Variants in KCNIP4 observed in about 807,000 individuals in gnomAD.
The protein encoded by KCNIP4 is potassium voltage-gated channel interacting protein 4, also known as Kv channel-interacting protein 4.
Under a neutral mutation model 34.0 loss-of-function variants are expected in KCNIP4, and 12 were observed. The ratio of observed to expected loss-of-function variants is 0.35; its 90% confidence interval spans 0.23 to 0.57. The LOEUF (loss-of-function observed/expected upper bound fraction) is 0.57, where lower values mean the gene tolerates loss of function less well. KCNIP4 is among the 20% of genes least tolerant of loss of function. KCNIP4 has a pLI of 0.83. For synonymous variants in KCNIP4, 124 were observed against 102.2 expected (o/e 1.21, Z -1.29); for missense variants, 238 against 311.7 (o/e 0.76, Z 1.78).
chr4:21,903,988 A>C (rs376655564), intron 1 of KCNIP4, among the ~76,000 whole-genome samples: 1 of 152,186 alleles, frequency 6.6e-6, no homozygotes, highest in East Asian at 1.9e-4. Flanking sequence ...CTTGCCTAGC[A>C]ATTAACAACG....
chr4:20,976,146 A>G (rs1348881268), intron 1 of KCNIP4, among the ~76,000 whole-genome samples: 1 of 152,172 alleles, frequency 6.6e-6, no homozygotes, highest in African/African-American at 2.4e-5. Context: ...CCAACTTATT[A>G]CCTAACTCAA....
At chr4:20,848,445 G>A (rs1432544472) in intron 3 of KCNIP4, among the ~76,000 whole-genome samples, 2 of 151,412 alleles carry the variant, frequency 1.3e-5, no homozygotes, top group African/African-American at 2.4e-5. Flanking sequence ...TGGGAAAATG[G>A]GGGAAGGAGA....
At chr4:21,204,749 C>A (rs1756728610) in intron 1 of KCNIP4, among the ~76,000 whole-genome samples, 1 of 152,124 alleles carries the variant, frequency 6.6e-6, no homozygotes, top group Admixed American at 6.6e-5. Flanking sequence ...AAATGGGCAG[C>A]TTTTTTAGAA....
chr4:21,718,961 A>C (rs1373903486), intron 1 of KCNIP4: 1 of 152,256 alleles, frequency 6.6e-6, no homozygotes, highest in Non-Finnish European at 1.5e-5. Context: ...AGCATAATAA[A>C]TAATGTGCAC....
At chr4:21,279,944 C>T (rs562917859) in intron 1 of KCNIP4, among the ~76,000 whole-genome samples, 1 of 152,270 alleles carries the variant, frequency 6.6e-6, no homozygotes, top group Admixed American at 6.5e-5. Context: ...TCATTCCTAG[C>T]ACTAGCAAAT....
At chr4:21,896,878 C>T (rs1727417876) in intron 1 of KCNIP4, among the ~76,000 whole-genome samples, 1 of 151,884 alleles carries the variant, frequency 6.6e-6, no homozygotes, top group African/African-American at 2.4e-5. Flanking sequence ...AAGATTGTGA[C>T]ACTGCATTCC....
intron 1 of KCNIP4, among the ~76,000 whole-genome samples, chr4:21,914,556 C>T (rs1210732646): frequency 6.6e-6 from 1 of 152,108 alleles, no homozygotes; most frequent in Non-Finnish European, 1.5e-5. Flanking sequence ...CAGGCCTTTG[C>T]TGGTTTATCC....
At chr4:21,302,101 T>C (rs947873692) in intron 1 of KCNIP4, among the ~76,000 whole-genome samples, 2 of 152,208 alleles carry the variant, frequency 1.3e-5, no homozygotes, top group African/African-American at 2.4e-5. Context: ...AATGCTGATA[T>C]TGTAAAACGT....
chr4:21,946,377 T>A (rs1361261189), intron 1 of KCNIP4, among the ~76,000 whole-genome samples: 1 of 152,130 alleles, frequency 6.6e-6, no homozygotes, highest in Non-Finnish European at 1.5e-5. Context: ...AAAAACTGTA[T>A]CATAGTACAA....
At chr4:21,614,460 C>T (rs1267836327) in intron 1 of KCNIP4, among the ~76,000 whole-genome samples, 1 of 148,256 alleles carries the variant, frequency 6.7e-6, no homozygotes, top group Admixed American at 6.8e-5. Context: ...GAAAATAAAC[C>T]CTTAAATATT....
At chr4:21,762,690 C>G (rs992628538) in intron 1 of KCNIP4, among the ~76,000 whole-genome samples, 7 of 152,074 alleles carry the variant, frequency 4.6e-5, no homozygotes, top group African/African-American at 1.7e-4. Context: ...CCATCATAAC[C>G]AAAGATGGCA....
chr4:21,331,342 T>G (rs1715616218), intron 1 of KCNIP4, among the ~76,000 whole-genome samples: 1 of 152,156 alleles, frequency 6.6e-6, no homozygotes, highest in Non-Finnish European at 1.5e-5. Context: ...TCTTCCCTTG[T>G]TCTCCCTCTC....
rs1311097062 is a variant in KCNIP4 at position 21,336,537 on chromosome 4, T to C, written c.62-453828A>G. 2.0e-5 allele frequency among the ~76,000 whole-genome samples: 3 copies of C among 152,188 alleles called. No homozygotes were observed. The East Asian group carries it at 5.8e-4, about 29-fold the overall frequency. On this transcript the variant is annotated intron_variant, in intron 1 of 8. Transcript: ENST00000382152. ...TCAGTACTGTTAGACATTTTAATTT[T>C]CCCAGTTGCCAATTTGATTCTTAAA...
intron 4 of KCNIP4, among the ~76,000 whole-genome samples, chr4:20,754,545 G>A (rs2149351058): frequency 6.6e-6 from 1 of 152,240 alleles, no homozygotes; most frequent in South Asian, 2.1e-4. Context: ...GAAACAATTT[G>A]TATGTATGAT....
Position 20,733,267 on chromosome 4 carries a change from C to T in KCNIP4, c.538-482G>A, listed in dbSNP as rs148039813. Among the ~76,000 whole-genome samples the T allele has an allele frequency of 2.3e-3, 355 of 152,264 alleles. 8 individuals carry two copies. The South Asian group carries it at 0.046, about 20-fold the overall frequency. ...TAGGGTTTTTGTTGTATTTTTCCTA[C>T]TGTGGCTTTAACTTAAGTCACATGT... On this transcript the variant is annotated intron_variant, in intron 6 of 8. Coordinates refer to ENST00000382152, the MANE Select transcript of KCNIP4 (RefSeq NM_025221.6).
intron 1 of KCNIP4, among the ~76,000 whole-genome samples, chr4:21,741,546 T>C (rs1716402674): frequency 6.6e-6 from 1 of 152,158 alleles, no homozygotes; most frequent in Non-Finnish European, 1.5e-5. Flanking sequence ...CAGCATCATC[T>C]ATACTTTAAG....
At chr4:20,850,737 G>A (rs1720928330) in intron 2 of KCNIP4, 70 bp from the exon 3 acceptor site, 7 of 1,534,082 alleles carry the variant, frequency 4.6e-6, no homozygotes, top group East Asian at 2.3e-5. Flanking sequence ...GAGCAACAAA[G>A]GAAAACGGAA....
At chr4:21,303,806 C>T (rs1185983445) in intron 1 of KCNIP4, 1 of 1,612,970 alleles carries the variant, frequency 6.2e-7, no homozygotes, top group South Asian at 1.1e-5. Flanking sequence ...CACTCCCTTA[C>T]CTTCTAAACC....
intron 1 of KCNIP4, among the ~76,000 whole-genome samples, chr4:20,885,624 T>C: frequency 6.6e-6 from 1 of 152,192 alleles, no homozygotes; most frequent in East Asian, 1.9e-4. Context: ...ATTAAGCTCT[T>C]TATTGCAATC....
Sources: gnomAD v4.1 joint callset for allele counts (sites outside exome capture counted in the v4.1 genomes callset) on GRCh38, gnomAD v4.1.1 for gene constraint, MANE v1.5 for transcripts, NCBI Gene and HGNC (gene_info 2026-07-23, HGNC 2026-07-21) for gene names.